The following NPAS3 variants were observed in gnomAD, a reference collection of about 807,000 sequenced individuals.
NPAS3 encodes neuronal PAS domain-containing protein 3.
In NPAS3, 14 loss-of-function variants were observed where a neutral mutation model predicts 73.1. The observed-to-expected ratio is 0.19, with a 90% confidence interval of 0.13 to 0.30. The LOEUF is 0.30. Among genes scored for constraint, NPAS3 ranks in the 10% least tolerant of loss-of-function variants. The pLI is 1.00. For synonymous variants in NPAS3, 620 were observed against 541.5 expected (o/e 1.14, Z -2.01); for missense variants, 1,096 against 1,250.0 (o/e 0.88, Z 1.86).
At chr14:33,280,013 C>T (rs995041078) in intron 3 of NPAS3, among the ~76,000 whole-genome samples, 2 of 152,140 alleles carry the variant, frequency 1.3e-5, no homozygotes, top group Admixed American at 6.6e-5. Context: ...ATGTCAGAAG[C>T]TCTGCAGCCT....
intron 9 of NPAS3, among the ~76,000 whole-genome samples, chr14:33,791,764 C>T (rs569388127): frequency 6.6e-6 from 1 of 152,234 alleles, no homozygotes; most frequent in South Asian, 2.1e-4. Context: ...TAAAATTTTG[C>T]CTGCTTTTGG....
At chr14:33,120,960 A>G (rs758120039) in intron 2 of NPAS3, among the ~76,000 whole-genome samples, 14 of 152,140 alleles carry the variant, frequency 9.2e-5, no homozygotes, top group Admixed American at 5.9e-4. Context: ...TCCATCATTT[A>G]TCCCTCCTGT....
At chr14:33,719,911 G>A (rs778452584) in intron 6 of NPAS3, among the ~76,000 whole-genome samples, 22 of 151,964 alleles carry the variant, frequency 1.4e-4, no homozygotes, top group African/African-American at 2.4e-4. Flanking sequence ...GTTAATTGTC[G>A]GGGCATCATT....
chr14:32,965,264 A>T (rs2037104527), intron 1 of NPAS3, among the ~76,000 whole-genome samples: 1 of 152,206 alleles, frequency 6.6e-6, no homozygotes, highest in African/African-American at 2.4e-5. Flanking sequence ...AACAAAAAGC[A>T]AAAAGGCCAG....
chr14:32,938,950 G>A (rs1465755536), upstream of NPAS3, among the ~76,000 whole-genome samples: 5 of 145,928 alleles, frequency 3.4e-5, no homozygotes, highest in South Asian at 4.2e-4. Context: ...GCTCTGCGGC[G>A]CATGGACGGC....
At chr14:33,431,683 G>A (rs768687063) in intron 4 of NPAS3, among the ~76,000 whole-genome samples, 7 of 152,078 alleles carry the variant, frequency 4.6e-5, no homozygotes, top group Non-Finnish European at 1.0e-4. Flanking sequence ...GTGAAATGAT[G>A]TATCCATTTA....
At chr14:33,511,670 G>A (rs965445102) in intron 4 of NPAS3, among the ~76,000 whole-genome samples, 2 of 152,092 alleles carry the variant, frequency 1.3e-5, no homozygotes, top group African/African-American at 4.8e-5. Context: ...CTGGTAGGCA[G>A]TGAACTCTGC....
chr14:33,471,094 G>A lies in NPAS3; in HGVS notation c.469-89027G>A, dbSNP rs186226052. Among the ~76,000 whole-genome samples the A allele has an allele frequency of 6.7e-4, 102 of 152,252 alleles. 1 individual carries two copies. Among genetic ancestry groups the A allele is most frequent in the Middle Eastern group, 3.4e-3 (1 of 294 alleles). ...TTCACGAGAGCTCTGCGCATATTAG[G>A]TAGCTCTTCTGAGTTAATAACAAAA... On this transcript the variant is annotated intron_variant, in intron 4 of 11. Transcript: ENST00000356141.
chr14:33,279,001 A>G (rs1193430796), intron 3 of NPAS3, among the ~76,000 whole-genome samples: 1 of 152,178 alleles, frequency 6.6e-6, no homozygotes, highest in South Asian at 2.1e-4. Context: ...AAATATTTCT[A>G]AGTTAAAAAG....
In NPAS3 at chr14:33,147,730, A is replaced by AAAATAT. The variant is rs372663411; in HGVS notation, c.141-67451_141-67450insAATATA. Among the ~76,000 whole-genome samples the AAAATAT allele has an allele frequency of 1.7e-3, 217 of 130,354 alleles. 2 individuals carry two copies. The highest frequency in any genetic ancestry group is 3.8e-3 in the Middle Eastern group (1 of 260). The allele number at this position is 130,354 out of a possible 152,430, so 85.5% of individuals were successfully genotyped here. A position where few individuals can be genotyped will look rare whatever the true frequency, so the allele number is the denominator to read the frequency against. On this transcript the variant is annotated intron_variant, in intron 2 of 11. Transcript: ENST00000356141. ...CCCTAGAACTTAAAGTAGAATAAAA[A>AAAATAT]ATATATATATATATATATATATATA...
intron 6 of NPAS3, chr14:33,680,596 T>C (rs1458897266): frequency 4.3e-6 from 3 of 702,796 alleles, no homozygotes; most frequent in Non-Finnish European, 5.2e-6. Flanking sequence ...TCCCTTTCTG[T>C]CTCCAGTGGT....
At chr14:33,474,429 G>A (rs1304144292) in intron 4 of NPAS3, among the ~76,000 whole-genome samples, 1 of 152,072 alleles carries the variant, frequency 6.6e-6, no homozygotes, top group African/African-American at 2.4e-5. Context: ...AAACATATGT[G>A]TTACTTTATG....
intron 5 of NPAS3, among the ~76,000 whole-genome samples, chr14:33,649,480 C>T (rs144501036): frequency 2.0e-5 from 3 of 152,316 alleles, no homozygotes; most frequent in East Asian, 3.9e-4. Context: ...GATGCTATTC[C>T]CATCTCATGT....
At chr14:33,801,150 G>C, downstream of NPAS3, 1 of 1,540,732 alleles carries the variant, frequency 6.5e-7, no homozygotes, top group Admixed American at 2.1e-5. Flanking sequence ...CCGCTTGGAG[G>C]AGGCATCGTC....
chr14:33,442,090 T>G (rs2049276435), intron 4 of NPAS3, among the ~76,000 whole-genome samples: 2 of 152,218 alleles, frequency 1.3e-5, no homozygotes, highest in South Asian at 4.1e-4. Context: ...GATGTACTAC[T>G]TCATACTCAG....
At position 33,114,160 on chromosome 14, in the gene NPAS3, C is replaced by T. The variant is rs141794487; in HGVS notation, c.140+58166C>T. ...ATGCAATTCTTGTGACTCAGCCTCC[C>T]GAGTAACTGGGATTACAGGCTGGTG... On this transcript the variant is annotated intron_variant, in intron 2 of 11. Transcript: ENST00000356141. 1.7e-3 allele frequency among the ~76,000 whole-genome samples: 259 copies of T among 152,028 alleles called. 1 individual carries two copies. Among genetic ancestry groups the T allele is most frequent in the Non-Finnish European group, 3.0e-3 (204 of 67,988 alleles).
At chr14:33,674,106 C>T (rs757173062) in intron 5 of NPAS3, among the ~76,000 whole-genome samples, 3 of 152,074 alleles carry the variant, frequency 2.0e-5, no homozygotes, top group Non-Finnish European at 2.9e-5. Flanking sequence ...TGCCATACTC[C>T]GGACATTATT....
intron 4 of NPAS3, among the ~76,000 whole-genome samples, chr14:33,544,326 A>T (rs2054680383): frequency 6.6e-6 from 1 of 152,038 alleles, no homozygotes; most frequent in African/African-American, 2.4e-5. Context: ...TATTTAATAC[A>T]CATACATATA....
intron 2 of NPAS3, among the ~76,000 whole-genome samples, chr14:33,134,658 C>A (rs2043768752): frequency 1.3e-5 from 2 of 152,064 alleles, no homozygotes; most frequent in African/African-American, 4.8e-5. Flanking sequence ...TAAGAGTAGT[C>A]ACCTCTGCCT....
Sources: gnomAD v4.1 joint callset for allele counts (sites outside exome capture counted in the v4.1 genomes callset) on GRCh38, gnomAD v4.1.1 for gene constraint, MANE v1.5 for transcripts, NCBI Gene and HGNC (gene_info 2026-07-23, HGNC 2026-07-21) for gene names.